The following MDM2 variants were observed in gnomAD, a reference collection of about 807,000 sequenced individuals.
MDM2 encodes MDM2 proto-oncogene, also known as E3 ubiquitin-protein ligase Mdm2.
MDM2 carries 11 observed loss-of-function variants against 64.3 expected under a neutral mutation model. The observed-to-expected ratio is 0.17, with a 90% CI of 0.11 to 0.28. The LOEUF (loss-of-function observed/expected upper bound fraction) is 0.28, where lower values mean the gene tolerates loss of function less well. Ranked by LOEUF, MDM2 falls within the 10% of genes least tolerant of loss-of-function variation. The pLI is 1.00. For missense variants in MDM2, 388 were observed against 577.1 expected (o/e 0.67, Z 3.36); for synonymous variants, 194 against 192.9 (o/e 1.01, Z -0.05).
At chr12:68,817,485 C>G (rs191808407) in intron 4 of MDM2, among the ~76,000 whole-genome samples, 1 of 152,156 alleles carries the variant, frequency 6.6e-6, no homozygotes, top group Non-Finnish European at 1.5e-5. Flanking sequence ...TGCGGTGGCT[C>G]ACACCTGTAA....
At chr12:68,808,942 C>T (rs972515453) in intron 1 of MDM2, 4 of 1,378,196 alleles carry the variant, frequency 2.9e-6, no homozygotes, top group Non-Finnish European at 3.7e-6. Context: ...CAGACACGTT[C>T]CGAAACTGCA....
chr12:68,817,054 A>C, intron 4 of MDM2, 109 bp downstream of exon 4: 1 of 1,271,262 alleles, frequency 7.9e-7, no homozygotes, highest in South Asian at 1.5e-5. Flanking sequence ...CATATTAAAG[A>C]CATGCTGAAA....
intron 8 of MDM2, among the ~76,000 whole-genome samples, chr12:68,833,295 ATTT>A (rs1308482872): frequency 8.3e-6 from 1 of 119,800 alleles, no homozygotes; most frequent in African/African-American, 3.4e-5. Context: ...AAATATATAT[ATTT>A]ATATAAATAT....
At chr12:68,833,305 A>T (rs1260869394) in intron 8 of MDM2, among the ~76,000 whole-genome samples, 25 of 113,248 alleles carry the variant, frequency 2.2e-4, no homozygotes, top group African/African-American at 8.9e-4. Flanking sequence ...ATTTATATAA[A>T]TATAAAAATA....
At chr12:68,833,928 T>C (rs1883105867) in intron 8 of MDM2, among the ~76,000 whole-genome samples, 1 of 152,244 alleles carries the variant, frequency 6.6e-6, no homozygotes, top group Admixed American at 6.5e-5. Flanking sequence ...ACTTGACTTG[T>C]GATTCTAATC....
At chr12:68,836,908 A>G (rs1883350808) in intron 10 of MDM2, among the ~76,000 whole-genome samples, 159 bp downstream of exon 10, 1 of 150,926 alleles carries the variant, frequency 6.6e-6, no homozygotes, top group South Asian at 2.1e-4. Context: ...ATTTGTTGTG[A>G]TGAGACCTGT....
At chr12:68,821,376 C>A (rs1331166146) in intron 5 of MDM2, among the ~76,000 whole-genome samples, 3 of 152,048 alleles carry the variant, frequency 2.0e-5, no homozygotes, top group Admixed American at 2.0e-4. Flanking sequence ...CTGCTTAGAG[C>A]TGTCTCTAAT....
intron 7 of MDM2, among the ~76,000 whole-genome samples, chr12:68,826,547 G>T: frequency 6.6e-6 from 1 of 151,320 alleles, no homozygotes; most frequent in African/African-American, 2.4e-5. Context: ...TACTTGGGAG[G>T]CTGAGGCAGG....
intron 8 of MDM2, among the ~76,000 whole-genome samples, chr12:68,831,011 G>C (rs556843821): frequency 6.6e-5 from 10 of 152,118 alleles, no homozygotes; most frequent in Non-Finnish European, 1.5e-4. Flanking sequence ...CCTATTTAAT[G>C]TATAGTTTTT....
At chr12:68,835,304 AAAG>A in intron 8 of MDM2, among the ~76,000 whole-genome samples, 1 of 152,358 alleles carries the variant, frequency 6.6e-6, no homozygotes, top group Admixed American at 6.5e-5. Context: ...AGGCTTAGTC[AAAG>A]AAGGATGAAT....
At position 68,808,376 on chromosome 12, in the gene MDM2, G is replaced by C; in HGVS notation, c.-102G>C. The C allele has an allele frequency of 6.6e-7, 1 of 1,514,246 alleles. No individual in the cohort carries two copies. Among genetic ancestry groups the C allele is most frequent in the Non-Finnish European group, 9.1e-7 (1 of 1,093,364 alleles). 93.8% of individuals were successfully genotyped at this position (1,514,246 alleles called of 1,614,324 possible). A position where few individuals can be genotyped will look rare whatever the true frequency, so the allele number is the denominator to read the frequency against. ...AGCGCCCAGTGCCCTGGCCCGGAGA[G>C]TGGAATGATCCCCGAGGCCCAGGGC... On this transcript the variant is annotated 5_prime_UTR_variant, in exon 1 of 11. Transcript: ENST00000258149.
In MDM2 at chr12:68,840,571, T is replaced by C; in HGVS notation, c.*722T>C. 5.2e-6 allele frequency: 1 copy of C among 192,876 alleles called. No homozygotes were observed. Among genetic ancestry groups the C allele is most frequent in the Non-Finnish European group, 1.1e-5 (1 of 92,528 alleles). 11.9% of individuals were successfully genotyped at this position (192,876 alleles called of 1,614,324 possible). On this transcript the variant is annotated 3_prime_UTR_variant, in exon 11 of 11. Coordinates refer to ENST00000258149, the MANE Select transcript of MDM2 (RefSeq NM_002392.6). ...CTCTGTCGCCCAGGCTGGAGTGCAG[T>C]GTCATGATCTAGCAGTCTCCGCTTC...
At chr12:68,811,726 C>T (rs1268743542) in intron 2 of MDM2, among the ~76,000 whole-genome samples, 3 of 151,510 alleles carry the variant, frequency 2.0e-5, no homozygotes, top group Non-Finnish European at 2.9e-5. Flanking sequence ...CGCAGCCTCC[C>T]GAGTAGCTGG....
At chr12:68,824,804 T>A in intron 7 of MDM2, 153 bp downstream of exon 7, 1 of 608,760 alleles carries the variant, frequency 1.6e-6, no homozygotes, top group Non-Finnish European at 2.8e-6. Context: ...TTTATTTGAT[T>A]TACAAATTGC....
In MDM2 at chr12:68,824,412, A is replaced by C; in HGVS notation, c.408A>C (p.Glu136Asp). 2 of 1,613,832 alleles carry C rather than the reference A, an allele frequency of 1.2e-6. No homozygotes were observed. The highest frequency in any genetic ancestry group is 1.7e-6 in the Non-Finnish European group (2 of 1,179,812). Residue 136 changes from glutamate (E) to aspartate (D), a missense_variant, in exon 6 of 11, where the codon GAA (glutamate) becomes GAC (aspartate). Around this residue, in one of 5 missense-constraint regions of MDM2, gnomAD observed 168 missense variants for 236.6 expected, o/e 0.71. Coordinates refer to ENST00000258149, the MANE Select transcript of MDM2 (RefSeq NM_002392.6). The stretch of plus-strand genomic sequence containing the variant: ...TGAGTGAGAACAGGTGTCACCTTGA[A>C]GGTGGGAGTGATCAAAAGGTAATCT... ...TSVSENRCHL[E>D]GGSDQKDLVQ...
rs1255547940 is a variant in MDM2 at position 68,845,004 on chromosome 12, G to A, written c.*5155G>A. The A allele has an allele frequency of 5.1e-6, 1 of 195,898 alleles. No homozygotes were observed. Among genetic ancestry groups the A allele is most frequent in the Non-Finnish European group, 1.1e-5 (1 of 94,398 alleles). 12.1% of individuals were successfully genotyped at this position (195,898 alleles called of 1,614,324 possible). On this transcript the variant is annotated 3_prime_UTR_variant, in exon 11 of 11. Transcript: ENST00000258149. ...GCTGGGCTCAAACTCCTGACCTCAA[G>A]TGATCTGCCCGCCTTGGCCCCCCAA...
intron 2 of MDM2, among the ~76,000 whole-genome samples, chr12:68,810,562 C>T (rs369729298): frequency 1.8e-4 from 28 of 151,446 alleles, no homozygotes; most frequent in Admixed American, 5.9e-4. Context: ...CCCGGGTTCA[C>T]GCCATTCCCC....
At position 68,839,907 on chromosome 12, in the gene MDM2, C is replaced by T; in HGVS notation, c.*58C>T. 3 of 1,463,334 alleles carry T rather than the reference C, an allele frequency of 2.1e-6. No homozygotes were observed. Among genetic ancestry groups the T allele is most frequent in the Non-Finnish European group, 2.8e-6 (3 of 1,078,996 alleles). 90.6% of individuals were successfully genotyped at this position (1,463,334 alleles called of 1,614,324 possible). On this transcript the variant is annotated 3_prime_UTR_variant, in exon 11 of 11. Coordinates refer to ENST00000258149, the MANE Select transcript of MDM2 (RefSeq NM_002392.6). ...AACTATATAACCCTAGGAATTTAGA[C>T]AACCTGAAATTTATTCACATATATC... is the stretch of plus-strand genomic sequence containing the variant.
intron 8 of MDM2, among the ~76,000 whole-genome samples, chr12:68,834,378 G>A (rs1883139178): frequency 1.3e-5 from 2 of 151,882 alleles, no homozygotes; most frequent in South Asian, 2.1e-4. Flanking sequence ...GGAGGCGGAG[G>A]TTGCAGTGAG....
Sources: allele counts gnomAD v4.1 joint callset (sites outside exome capture counted in the v4.1 genomes callset), GRCh38; gene constraint gnomAD v4.1.1; regional missense constraint gnomAD v4.1.1; transcripts MANE v1.5; gene names NCBI Gene and HGNC (gene_info 2026-07-23, HGNC 2026-07-21).